Variants in BICD1 observed in about 807,000 individuals in gnomAD.
The protein encoded by BICD1 is protein bicaudal D homolog 1.
BICD1 carries 35 observed loss-of-function variants against 92.5 expected under a neutral mutation model. The ratio of observed to expected loss-of-function variants is 0.38; its 90% CI spans 0.29 to 0.50. The LOEUF is 0.50. Among genes scored for constraint, BICD1 ranks in the 20% least tolerant of loss-of-function variants. The pLI is 0.93. For missense variants in BICD1, 950 were observed against 1,189.8 expected (o/e 0.80, Z 2.97); for synonymous variants, 429 against 465.1 (o/e 0.92, Z 1.00).
chr12:32,113,810 A>G (rs1043445040), intron 1 of BICD1, among the ~76,000 whole-genome samples: 1 of 151,570 alleles, frequency 6.6e-6, no homozygotes, highest in Non-Finnish European at 1.5e-5. Context: ...CCCAGGTTCA[A>G]GCGATTCTCC....
At chr12:32,294,804 G>A (rs992719506) in intron 3 of BICD1, among the ~76,000 whole-genome samples, 6 of 151,762 alleles carry the variant, frequency 4.0e-5, no homozygotes, top group East Asian at 1.9e-4. Context: ...AAAAGAGGCC[G>A]GGCGTGGTGG....
intron 2 of BICD1, among the ~76,000 whole-genome samples, chr12:32,267,250 G>A (rs1016993729): frequency 1.3e-5 from 2 of 152,156 alleles, no homozygotes; most frequent in Non-Finnish European, 2.9e-5. Context: ...CTGGATCCCT[G>A]CATATGTACA....
chr12:32,312,238 C>G (rs943686616), intron 4 of BICD1, among the ~76,000 whole-genome samples: 3 of 152,106 alleles, frequency 2.0e-5, no homozygotes, highest in Non-Finnish European at 4.4e-5. Flanking sequence ...CTTCTTGAAG[C>G]CATCATACTG....
intron 8 of BICD1, among the ~76,000 whole-genome samples, chr12:32,354,481 A>T (rs1466208115): frequency 6.6e-6 from 1 of 152,204 alleles, no homozygotes; most frequent in Non-Finnish European, 1.5e-5. Context: ...TTTAACGAAG[A>T]ATGATTGTTT....
intron 1 of BICD1, among the ~76,000 whole-genome samples, chr12:32,215,826 C>A (rs1003692556): frequency 1.3e-5 from 2 of 151,422 alleles, no homozygotes; most frequent in African/African-American, 4.9e-5. Flanking sequence ...TGTTGGTGGG[C>A]ACCTGTAGTC....
intron 2 of BICD1, among the ~76,000 whole-genome samples, chr12:32,221,869 A>G (rs1052852178): frequency 2.0e-5 from 3 of 152,132 alleles, no homozygotes. Flanking sequence ...TTTTGGTAAG[A>G]GCATAAAGAA....
chr12:32,313,115 A>AT lies in BICD1; in HGVS notation c.1005+7003dup, dbSNP rs56041021. ...AACTAAGCAGGGGAAAACTCTTTGG[A>AT]TTTTTTTTTTCAGTATTATGCTGGG... On this transcript the variant is annotated intron_variant, in intron 4 of 9. Transcript: ENST00000652176. This position sits in a 1 kb window ranked among gnomAD's most constrained non-coding sequence, Gnocchi z 4.2. 0.51 allele frequency among the ~76,000 whole-genome samples: 76,304 copies of AT among 150,524 alleles called. 19,742 individuals carry two copies. Among genetic ancestry groups the AT allele is most frequent in the Middle Eastern group, 0.59 (171 of 290 alleles).
At chr12:32,112,418 A>G (rs1032483111) in intron 1 of BICD1, among the ~76,000 whole-genome samples, 14 of 152,352 alleles carry the variant, frequency 9.2e-5, no homozygotes, top group Admixed American at 3.3e-4. Flanking sequence ...GTGAACATGT[A>G]TGACAGCGAT....
chr12:32,119,859 A>T (rs922372256), intron 1 of BICD1, among the ~76,000 whole-genome samples: 7 of 137,010 alleles, frequency 5.1e-5, no homozygotes, highest in Admixed American at 8.2e-5. Context: ...CGACAGAACA[A>T]GACTCTGTCT....
At chr12:32,267,595 T>A (rs1947032644) in intron 2 of BICD1, among the ~76,000 whole-genome samples, 1 of 152,204 alleles carries the variant, frequency 6.6e-6, no homozygotes, top group African/African-American at 2.4e-5. Flanking sequence ...TTTAATGTAG[T>A]TAAATTTATC....
intron 4 of BICD1, among the ~76,000 whole-genome samples, chr12:32,308,247 T>C (rs1478863120): frequency 6.6e-6 from 1 of 152,204 alleles, no homozygotes; most frequent in Admixed American, 6.5e-5. Flanking sequence ...GTTTTCTTCC[T>C]TGAGAAGGTT....
At chr12:32,185,834 A>G (rs925815076) in intron 1 of BICD1, among the ~76,000 whole-genome samples, 1 of 152,236 alleles carries the variant, frequency 6.6e-6, no homozygotes, top group Non-Finnish European at 1.5e-5. Context: ...CCACTTCAGT[A>G]GCAAAGACAG....
chr12:32,237,457 G>A (rs1347307131), intron 2 of BICD1, among the ~76,000 whole-genome samples: 1 of 152,232 alleles, frequency 6.6e-6, no homozygotes, highest in Non-Finnish European at 1.5e-5. Context: ...TGTATTGGAA[G>A]AAGATGCCTT....
intron 1 of BICD1, among the ~76,000 whole-genome samples, chr12:32,196,879 T>C (rs967961321): frequency 2.0e-5 from 3 of 152,226 alleles, no homozygotes; most frequent in African/African-American, 7.2e-5. Context: ...ATCATCATGT[T>C]GTACGCCTTG....
chr12:32,130,841 AT>A (rs1432870367), intron 1 of BICD1, among the ~76,000 whole-genome samples: 1 of 151,892 alleles, frequency 6.6e-6, no homozygotes, highest in Non-Finnish European at 1.5e-5. Flanking sequence ...CTTGACATTT[AT>A]GTATTTATTT....
In BICD1 at chr12:32,380,371, G is replaced by A. The variant is rs1343060779; in HGVS notation, c.*2744G>A. 2 of 152,122 alleles carry A rather than the reference G, an allele frequency of 1.3e-5. No homozygotes were observed. Among genetic ancestry groups the A allele is most frequent in the Non-Finnish European group, 2.9e-5 (2 of 68,006 alleles). 9.4% of individuals were successfully genotyped at this position (152,122 alleles called of 1,614,324 possible). On this transcript the variant is annotated 3_prime_UTR_variant, in exon 10 of 10. Transcript: ENST00000652176. ...AACCAAAAAGAATGAACTCCAGTAA[G>A]ACTAATTGAAGACATACTTGGAGAG...
chr12:32,236,838 C>T (rs982658791), intron 2 of BICD1, among the ~76,000 whole-genome samples: 4 of 150,852 alleles, frequency 2.7e-5, no homozygotes, highest in African/African-American at 9.8e-5. Context: ...AAGATCAAAC[C>T]AGCCATAACA....
chr12:32,345,965 A>G (rs969903255), intron 8 of BICD1, among the ~76,000 whole-genome samples: 3 of 152,152 alleles, frequency 2.0e-5, no homozygotes, highest in African/African-American at 7.2e-5. Context: ...CCTGGGCAAC[A>G]TGGCGAAACC....
chr12:32,276,488 T>G (rs1281745098), intron 2 of BICD1, among the ~76,000 whole-genome samples: 1 of 152,116 alleles, frequency 6.6e-6, no homozygotes, highest in Non-Finnish European at 1.5e-5. Flanking sequence ...AAAATGCTAA[T>G]TAGGCAAAAA....
Sources: allele counts gnomAD v4.1 joint callset (sites outside exome capture counted in the v4.1 genomes callset), GRCh38; gene constraint gnomAD v4.1.1; non-coding constraint Gnocchi (gnomAD v3.1); transcripts MANE v1.5; gene names NCBI Gene and HGNC (gene_info 2026-07-23, HGNC 2026-07-21).